ELMO3: variants seen among roughly 807,000 people sequenced by gnomAD.
ELMO3 encodes engulfment and cell motility 3.
A neutral mutation model predicts 89.0 loss-of-function variants in ELMO3; 81 were observed. The ratio of observed to expected loss-of-function variants is 0.91; its 90% CI spans 0.76 to 1.09. The LOEUF (loss-of-function observed/expected upper bound fraction) is 1.09. ELMO3 is among the 50% of genes least tolerant of loss of function. ELMO3 has a pLI of 0.00. For synonymous variants in ELMO3, 406 were observed against 400.6 expected (o/e 1.01, Z -0.16); for missense variants, 959 against 972.8 (o/e 0.99, Z 0.19).
rs1238368333 is a variant in ELMO3 at position 67,199,206 on chromosome 16, A to G, written c.-121A>G. The G allele has an allele frequency of 1.5e-5, 24 of 1,611,114 alleles. No individual in the cohort carries two copies. In the East Asian group the frequency reaches 4.2e-4, roughly 28 times the overall value. On this transcript the variant is annotated 5_prime_UTR_variant, in exon 1 of 20. Coordinates refer to ENST00000393997, the MANE Select transcript of ELMO3 (RefSeq NM_024712.5). ...GCAGTCTGGGCCGCGAGTGCGGGACACCGAGGTCAGGTCTCGGAAAGGGAG... is the reference window on the plus strand; with the variant it reads ...GCAGTCTGGGCCGCGAGTGCGGGACGCCGAGGTCAGGTCTCGGAAAGGGAG...
At position 67,200,803 on chromosome 16, in the gene ELMO3, A is replaced by C. The variant is rs1324527516; in HGVS notation, c.660A>C (p.Leu220=). Residue 220 remains leucine (L), a synonymous_variant, in exon 7 of 20, where the codon CTA becomes CTC. Coordinates refer to ENST00000393997, the MANE Select transcript of ELMO3 (RefSeq NM_024712.5). ...EVPLDRLLVH[L]QVMNQQLQTK... ...CCCTGGATAGGCTGCTGGTGCACCT[A>C]CAGGTGTAAGCCTCTGGGGCTGGGG... 6 of 1,613,024 alleles carry C rather than the reference A, an allele frequency of 3.7e-6. No homozygotes were observed. Among genetic ancestry groups the C allele is most frequent in the Non-Finnish European group, 5.1e-6 (6 of 1,179,682 alleles).
At chr16:67,199,636 G>T (rs1243812230) in intron 2 of ELMO3, 43 bp downstream of exon 2, 3 of 1,608,150 alleles carry the variant, frequency 1.9e-6, no homozygotes, top group African/African-American at 2.7e-5. Flanking sequence ...CGGGAGGGCA[G>T]GAGGGGCGGC....
chr16:67,203,483 C>T lies in ELMO3; in HGVS notation c.1864-14C>T, dbSNP rs1167099168. The T allele has an allele frequency of 2.5e-6, 4 of 1,613,754 alleles. No homozygotes were observed. Among genetic ancestry groups the T allele is most frequent in the Non-Finnish European group, 3.4e-6 (4 of 1,179,924 alleles). On this transcript the variant is annotated splice_polypyrimidine_tract_variant and intron_variant, in intron 18 of 19. Transcript: ENST00000393997. This position sits in a 1 kb window ranked among gnomAD's most constrained non-coding sequence, Gnocchi z 4.6. ...TGTCCCCTGCTCAGTGTCCCCGCTC[C>T]CTTGCTTCCCCAGGACCTCTATGAG...
rs558508593 is a variant in ELMO3, at chr16:67,203,791, G to A, written c.2077G>A (p.Val693Met). The change falls in exon 20 of 20, where the codon GTG (valine) becomes ATG (methionine). Residue 693 changes from valine to methionine, a missense_variant. Val to Met is a conservative substitution (Grantham distance 21). Transcript: ENST00000393997. The surrounding 1 kb of genome is among the most constrained non-coding windows in gnomAD (Gnocchi z 4.6). ...TKLRLLELEN[V>M]PIPERPPPVP... ...GCTGCGTCTGCTGGAGCTGGAGAACGTGCCCATCCCCGAGCGGCCACCCCC... is the reference window on the plus strand; with the variant it reads ...GCTGCGTCTGCTGGAGCTGGAGAACATGCCCATCCCCGAGCGGCCACCCCC... 5.0e-5 allele frequency: 80 copies of A among 1,612,712 alleles called. 1 individual carries two copies. The South Asian group carries it at 7.4e-4, about 15-fold the overall frequency.
At chr16:67,202,574 G>A in intron 14 of ELMO3, 41 bp downstream of exon 14, 1 of 1,612,646 alleles carries the variant, frequency 6.2e-7, no homozygotes, top group Middle Eastern at 1.7e-4. Context: ...CCAGGGCAGG[G>A]GGCTGATCTG....
Position 67,199,148 on chromosome 16 carries a change from C to CCTTGGGAAGGCCGCGTTG in ELMO3, c.-177_-160dup. 1 of 1,604,894 alleles carries CCTTGGGAAGGCCGCGTTG rather than the reference C, an allele frequency of 6.2e-7. No homozygotes were observed. The highest frequency in any genetic ancestry group is 8.5e-7 in the Non-Finnish European group (1 of 1,178,568). On this transcript the variant is annotated 5_prime_UTR_variant, in exon 1 of 20. Transcript: ENST00000393997. ...TCCAACCCGGAACTAACCTCGGCTC[C>CCTTGGGAAGGCCGCGTTG]CTTGGGAAGGCCGCGTTGCATGGCC...
rs1389397797 is a variant in ELMO3, at chr16:67,199,937, G to A, written c.193-14G>A. ...CCTCCCTGACCTCGCTGCCTTTTCTGCTGTCTTCTCCAGAACCGCGCGGAG... is the reference window on the plus strand; with the variant it reads ...CCTCCCTGACCTCGCTGCCTTTTCTACTGTCTTCTCCAGAACCGCGCGGAG... On this transcript the variant is annotated splice_polypyrimidine_tract_variant and intron_variant, in intron 3 of 19. Coordinates refer to ENST00000393997, the MANE Select transcript of ELMO3 (RefSeq NM_024712.5). 1.2e-6 allele frequency: 2 copies of A among 1,613,906 alleles called. No individual in the cohort carries two copies. Among genetic ancestry groups the A allele is most frequent in the African/African-American group, 1.3e-5 (1 of 75,018 alleles).
rs571983082 is a variant in ELMO3 at position 67,200,040 on chromosome 16, C to G, written c.243+39C>G. Reference sequence around the variant, plus strand: ...CGTCCCGCCTTCCCCATCCCTGCCCCTTTGCTCCAGGTCCAGAGGCCCCCC... The same window carrying G: ...CGTCCCGCCTTCCCCATCCCTGCCCGTTTGCTCCAGGTCCAGAGGCCCCCC... On this transcript the variant is annotated intron_variant, in intron 4 of 19. Coordinates refer to ENST00000393997, the MANE Select transcript of ELMO3 (RefSeq NM_024712.5). 6 of 1,609,842 alleles carry G rather than the reference C, an allele frequency of 3.7e-6. No homozygotes were observed. The South Asian group carries it at 6.6e-5, about 18-fold the overall frequency.
At position 67,202,735 on chromosome 16, in the gene ELMO3, C is replaced by CGGCT; in HGVS notation, c.1509_1512dup (p.Arg505AlafsTer5). On this transcript the variant is annotated frameshift_variant, in exon 15 of 20. Coordinates refer to ENST00000393997, the MANE Select transcript of ELMO3 (RefSeq NM_024712.5). LOFTEE classifies it high-confidence loss of function. Reference sequence around the variant, plus strand: ...TGCGCTCACTTATGGGGAGGTGCTGCGGCTGCGGCAGACTGAACGGCTGCA... The same window carrying CGGCT: ...TGCGCTCACTTATGGGGAGGTGCTGCGGCTGGCTGCGGCAGACTGAACGGCTGCA... 4 of 1,613,604 alleles carry CGGCT rather than the reference C, an allele frequency of 2.5e-6. No homozygotes were observed. The highest frequency in any genetic ancestry group is 3.4e-6 in the Non-Finnish European group (4 of 1,179,976).
At position 67,200,647 on chromosome 16, in the gene ELMO3, C is replaced by A. The variant is rs555528167; in HGVS notation, c.514-10C>A. The A allele has an allele frequency of 6.2e-7, 1 of 1,610,916 alleles. No homozygotes were observed. Among genetic ancestry groups the A allele is most frequent in the Non-Finnish European group, 8.5e-7 (1 of 1,178,032 alleles). On this transcript the variant is annotated splice_polypyrimidine_tract_variant and intron_variant, in intron 6 of 19. Coordinates refer to ENST00000393997, the MANE Select transcript of ELMO3 (RefSeq NM_024712.5). ...TGGGGGTGAGGTGGTGACACCCCCG[C>A]CCCTTACAGGTGGTGTGCTACGTGA...
rs747154796 is a variant in ELMO3, at chr16:67,202,898, G to A, written c.1569G>A (p.Leu523=). ...AGTGACACCCCTCTATCAGGGAGCT[G>A]CGGGAGAAGCTGAAGCCAGAGCTCA... ...EGTLAPPILE[L]REKLKPELMG... Residue 523 remains leucine (L), a synonymous_variant, in exon 16 of 20, where the codon CTG becomes CTA. Transcript: ENST00000393997. The A allele has an allele frequency of 2.9e-5, 47 of 1,612,716 alleles. No homozygotes were observed. Among genetic ancestry groups the A allele is most frequent in the Non-Finnish European group, 4.0e-5 (47 of 1,179,986 alleles).
intron 4 of ELMO3, 86 bp from the exon 5 acceptor site, chr16:67,200,106 A>G (rs2033064035): frequency 7.0e-6 from 11 of 1,572,078 alleles, no homozygotes; most frequent in Non-Finnish European, 9.5e-6. Context: ...TGCGCCACCT[A>G]GTTGACGCCC....
intron 4 of ELMO3, 90 bp from the exon 5 acceptor site, chr16:67,200,102 A>G (rs1288055624): frequency 7.6e-7 from 1 of 1,323,324 alleles, no homozygotes; most frequent in African/African-American, 1.6e-5. Flanking sequence ...GCCTTGCGCC[A>G]CCTAGTTGAC....
rs2142218955 is a variant in ELMO3 at position 67,200,793 on chromosome 16, T to C, written c.650T>C (p.Leu217Pro). ...VKSEVPLDRL[L>P]VHLQVMNQQL... ...AGCGAGGTGCCCCTGGATAGGCTGC[T>C]GGTGCACCTACAGGTGTAAGCCTCT... The change falls in exon 7 of 20, where the codon CTG (leucine) becomes CCG (proline). Residue 217 changes from leucine to proline, a missense_variant. Physicochemically the swap from Leu to Pro is moderately conservative, Grantham distance 98 (BLOSUM62 -3). Transcript: ENST00000393997. 2 of 1,613,264 alleles carry C rather than the reference T, an allele frequency of 1.2e-6. No homozygotes were observed. The highest frequency in any genetic ancestry group is 1.6e-4 in the Middle Eastern group (1 of 6,062).
Position 67,202,548 on chromosome 16 carries a change from A to G in ELMO3, c.1398+15A>G. 1 of 1,612,168 alleles carries G rather than the reference A, an allele frequency of 6.2e-7. No homozygotes were observed. Among genetic ancestry groups the G allele is most frequent in the South Asian group, 1.1e-5 (1 of 91,064 alleles). ...ACTTCGACAAGGTGGGTGGGGTGGG[A>G]GCTGGGAGGCCTGGGCCAGGGCAGG... On this transcript the variant is annotated intron_variant, in intron 14 of 19. Coordinates refer to ENST00000393997, the MANE Select transcript of ELMO3 (RefSeq NM_024712.5).
In ELMO3 at chr16:67,201,906, T is replaced by C. The variant is rs377495625; in HGVS notation, c.1050+33T>C. The C allele has an allele frequency of 1.3e-5, 21 of 1,603,126 alleles. No homozygotes were observed. The Admixed American group carries it at 2.3e-4, about 18-fold the overall frequency. ...TCACCCCTACCCAACTCCCCACCCC[T>C]GCCTCAGCCCAGGGCTGTTGTTCCA... On this transcript the variant is annotated intron_variant, in intron 11 of 19. Coordinates refer to ENST00000393997, the MANE Select transcript of ELMO3 (RefSeq NM_024712.5).
At position 67,199,566 on chromosome 16, in the gene ELMO3, C is replaced by T. The variant is rs2033048605; in HGVS notation, c.92C>T (p.Ala31Val). Residue 31 changes from alanine to valine, a missense_variant, in exon 2 of 20, where the codon GCC becomes GTC. Ala to Val is a moderately conservative substitution (Grantham distance 64). Transcript: ENST00000393997. ...LIQLDQAKPL[A>V]AVLKEVCDAW... ...CTCCACTTGCAGGCGAAGCCCCTGG[C>T]CGCTGTGCTGAAGGAGGTGTGCGAC... 1.2e-6 allele frequency: 2 copies of T among 1,608,066 alleles called. No homozygotes were observed. The highest frequency in any genetic ancestry group is 1.3e-5 in the African/African-American group (1 of 74,850).
chr16:67,202,374 C>G, intron 13 of ELMO3, 23 bp from the exon 14 acceptor site: 1 of 1,613,696 alleles, frequency 6.2e-7, no homozygotes, highest in Non-Finnish European at 8.5e-7. Flanking sequence ...TCTCCCTGAG[C>G]CCCTCCTGCC....
In ELMO3 at chr16:67,199,559, C is replaced by A; in HGVS notation, c.85C>A (p.Pro29Thr). 1 of 1,607,534 alleles carries A rather than the reference C, an allele frequency of 6.2e-7. No homozygotes were observed. Among genetic ancestry groups the A allele is most frequent in the Non-Finnish European group, 8.5e-7 (1 of 1,179,276 alleles). ...PQLIQLDQAK[P>T]LAAVLKEVCD... ...ATGACCACTCCACTTGCAGGCGAAGCCCCTGGCCGCTGTGCTGAAGGAGGT... is the reference window on the plus strand; with the variant it reads ...ATGACCACTCCACTTGCAGGCGAAGACCCTGGCCGCTGTGCTGAAGGAGGT... The change falls in exon 2 of 20, where the codon CCC becomes ACC. Residue 29 changes from proline (P) to threonine (T), a missense_variant. Transcript: ENST00000393997.
Sources: allele counts gnomAD v4.1 joint callset, GRCh38; gene constraint gnomAD v4.1.1; non-coding constraint Gnocchi (gnomAD v3.1); transcripts MANE v1.5; gene names NCBI Gene and HGNC (gene_info 2026-07-23, HGNC 2026-07-21).